The following ZNF479 variants were observed in gnomAD, a reference collection of about 807,000 sequenced individuals.
ZNF479 encodes the protein zinc finger protein 479, also known as KRAB zinc finger protein KR19.
ZNF479 carries 15 observed loss-of-function variants against 14.7 expected under a neutral mutation model. That is an observed-to-expected ratio of 1.02 (90% CI 0.68 to 1.57). The LOEUF is 1.57. ZNF479 is among the 40% of genes most tolerant of loss of function. The pLI is 0.00. For synonymous variants in ZNF479, 145 were observed against 211.5 expected (o/e 0.69, Z 2.73); for missense variants, 506 against 615.1 (o/e 0.82, Z 1.88).
intron 1 of ZNF479, among the ~76,000 whole-genome samples, chr7:57,131,456 G>A (rs1211294136): frequency 7.9e-5 from 12 of 151,654 alleles, no homozygotes; most frequent in South Asian, 4.2e-4. Flanking sequence ...CCAGCCACTC[G>A]GGAGGCTAAG....
In ZNF479 at chr7:57,121,000, T is replaced by C; in HGVS notation, c.415A>G (p.Lys139Glu). 1 of 1,614,142 alleles carries C rather than the reference T, an allele frequency of 6.2e-7. No individual in the cohort carries two copies. The highest frequency in any genetic ancestry group is 8.5e-7 in the Non-Finnish European group (1 of 1,180,024). The change falls in exon 4 of 4, where the codon AAG (lysine) becomes GAG (glutamate). Residue 139 changes from lysine (K) to glutamate (E), a missense_variant. Physicochemically the swap from Lys to Glu is moderately conservative, Grantham distance 56. Around this residue, in one of 3 missense-constraint regions of ZNF479, gnomAD observed 420 missense variants for 474.2 expected, o/e 0.89. Transcript: ENST00000319636. ...CKSVGEYEVH[K>E]GGYSEVNQCL... ...TGGTTAACTTCACTATAACCTCCCT[T>C]GTGCACCTCATATTCACCCACACTT...
chr7:57,128,118 T>A (rs1038314827), intron 1 of ZNF479, among the ~76,000 whole-genome samples: 9 of 151,832 alleles, frequency 5.9e-5, no homozygotes, highest in African/African-American at 2.2e-4. Context: ...TATTTTTTTT[T>A]AGTAGAGATG....
intron 1 of ZNF479, among the ~76,000 whole-genome samples, chr7:57,139,052 G>A (rs1241204645): frequency 6.6e-6 from 1 of 152,208 alleles, no homozygotes; most frequent in East Asian, 1.9e-4. Flanking sequence ...GCCTGGGCAA[G>A]CACAAATGTC....
At chr7:57,136,340 C>T (rs1366315559), upstream of ZNF479, among the ~76,000 whole-genome samples, 2 of 151,684 alleles carry the variant, frequency 1.3e-5, no homozygotes, top group East Asian at 1.9e-4. Flanking sequence ...GCTGAGTTCA[C>T]GCTACTGCAC....
At chr7:57,135,344 C>T (rs1158855667), upstream of ZNF479, among the ~76,000 whole-genome samples, 1 of 152,160 alleles carries the variant, frequency 6.6e-6, no homozygotes, top group Non-Finnish European at 1.5e-5. Context: ...TCAGTAAAGT[C>T]CCTCTCGGCT....
At chr7:57,121,424 C>T (rs773725856) in intron 3 of ZNF479, among the ~76,000 whole-genome samples, 2 of 152,140 alleles carry the variant, frequency 1.3e-5, no homozygotes, top group Non-Finnish European at 2.9e-5. Context: ...GCTACATTTA[C>T]CCAACACAGC....
At chr7:57,127,213 G>A (rs540629493) in intron 1 of ZNF479, among the ~76,000 whole-genome samples, 13 of 151,726 alleles carry the variant, frequency 8.6e-5, no homozygotes, top group African/African-American at 2.9e-4. Context: ...AGTAGAGATG[G>A]GGTTTCTCCA....
upstream of ZNF479, among the ~76,000 whole-genome samples, chr7:57,137,310 A>AT (rs1403463573): frequency 1.3e-5 from 2 of 151,962 alleles, no homozygotes; most frequent in African/African-American, 2.4e-5. Flanking sequence ...TGCTATTTGT[A>AT]TTTTTTGTAT....
chr7:57,122,004 C>T (rs1382333978), intron 3 of ZNF479, among the ~76,000 whole-genome samples: 1 of 151,822 alleles, frequency 6.6e-6, no homozygotes, highest in Non-Finnish European at 1.5e-5. Flanking sequence ...AAAAGAATAA[C>T]TGAAAAAATT....
Position 57,126,645 on chromosome 7 carries a change from C to T in ZNF479, c.113G>A (p.Arg38Gln), listed in dbSNP as rs764951050. ...EEWQCLDCAQ[R>Q]NLYRDVMLEN... ...TAACATCACATCTCTATATAAATTC[C>T]GCTGAGCACAATCCAGGCATTGCCA... Residue 38 changes from arginine (R) to glutamine (Q), a missense_variant, in exon 2 of 4, where the codon CGG (arginine) becomes CAG (glutamine). Physicochemically the swap from Arg to Gln is conservative, Grantham distance 43. Around this residue, in one of 3 missense-constraint regions of ZNF479, gnomAD observed 420 missense variants for 474.2 expected, o/e 0.89. Coordinates refer to ENST00000319636, the MANE Select transcript of ZNF479 (RefSeq NM_001370129.2). 38 of 1,613,714 alleles carry T rather than the reference C, an allele frequency of 2.4e-5. No individual in the cohort carries two copies. The highest frequency in any genetic ancestry group is 1.6e-4 in the Middle Eastern group (1 of 6,082).
At chr7:57,130,757 T>C (rs539521441) in intron 1 of ZNF479, among the ~76,000 whole-genome samples, 1 of 152,316 alleles carries the variant, frequency 6.6e-6, no homozygotes, top group East Asian at 1.9e-4. Flanking sequence ...CAATTGGGAA[T>C]ATACCCAGTG....
rs1329922682 is a variant in ZNF479, at chr7:57,120,387, T to C, written c.1028A>G (p.His343Arg). The C allele has an allele frequency of 3.1e-6, 5 of 1,613,520 alleles. No homozygotes were observed. Among genetic ancestry groups the C allele is most frequent in the Non-Finnish European group, 4.2e-6 (5 of 1,179,816 alleles). ...AFSWSSNLTR[H>R]KRIHTREKPY... is the part of the protein sequence containing the mutation. ...TTTCTCTCTAGTATGAATTCTCTTA[T>C]GTCTAGTAAGGTTTGAGGACCAGCT... Residue 343 changes from histidine to arginine, a missense_variant, in exon 4 of 4, where the codon CAT (histidine) becomes CGT (arginine). Coordinates refer to ENST00000319636, the MANE Select transcript of ZNF479 (RefSeq NM_001370129.2).
chr7:57,132,150 C>T, intron 1 of ZNF479, 136 bp downstream of exon 1: 3 of 1,516,206 alleles, frequency 2.0e-6, no homozygotes, highest in East Asian at 2.3e-5. Context: ...GGACGAGAGC[C>T]GAGCTGGGCC....
chr7:57,120,575 G>A lies in ZNF479; in HGVS notation c.840C>T (p.Arg280=), dbSNP rs533584216. The A allele has an allele frequency of 1.1e-5, 17 of 1,610,446 alleles. No individual in the cohort carries two copies. In the South Asian group the frequency reaches 1.9e-4, roughly 18 times the overall value. Residue 280 remains arginine, a synonymous_variant, in exon 4 of 4, where the codon CGC becomes CGT. Transcript: ENST00000319636. ...TCEECGQAFR[R]SSALTNHKRI... is the part of the protein sequence containing the mutation. ...TCTTGTGGTTAGTAAGTGCTGAGGA[G>A]CGCCTAAAGGCTTGGCCACATTCTT...
At position 57,120,096 on chromosome 7, in the gene ZNF479, T is replaced by G. The variant is rs1205740854; in HGVS notation, c.1319A>C (p.Glu440Ala). Residue 440 changes from glutamate to alanine, a missense_variant, in exon 4 of 4, where the codon GAA (glutamate) becomes GCA (alanine). Transcript: ENST00000319636. The stretch of plus-strand genomic sequence containing the variant: ...TAAGCTAAAGGCTTTGCCACATTCT[T>G]CACATTTGTAGGGTCTCTCTCCAGT... The part of the protein sequence containing the change: ...IHTGERPYKC[E>A]ECGKAFSLSS... 4.3e-6 allele frequency: 7 copies of G among 1,613,668 alleles called. No homozygotes were observed. The highest frequency in any genetic ancestry group is 5.9e-6 in the Non-Finnish European group (7 of 1,179,884).
intron 3 of ZNF479, among the ~76,000 whole-genome samples, chr7:57,123,471 A>G (rs1315824380): frequency 6.6e-6 from 1 of 152,230 alleles, no homozygotes; most frequent in Non-Finnish European, 1.5e-5. Flanking sequence ...TCCAGTCAAA[A>G]GCAAGTGGAT....
intron 2 of ZNF479, 43 bp from the exon 3 acceptor site, chr7:57,126,156 T>G (rs768544627): frequency 6.5e-7 from 1 of 1,539,874 alleles, no homozygotes; most frequent in African/African-American, 1.4e-5. Context: ...CATGCTGAAT[T>G]CTTTAATTAC....
rs57405080 is a variant in ZNF479, at chr7:57,131,587, CAA to C, written c.39+697_39+698del. Among the ~76,000 whole-genome samples, 517 of 86,846 alleles carry C rather than the reference CAA, an allele frequency of 6.0e-3. 21 individuals are homozygous for C. Among genetic ancestry groups the C allele is most frequent in the African/African-American group, 0.017 (490 of 29,220 alleles). 57.0% of individuals were successfully genotyped at this position (86,846 alleles called of 152,430 possible). ...CAAAAATAAAAAACAAACAAACAAACAAAAAAAAAACATTTCTTGTAAATTAC... is the reference window on the plus strand; with the variant it reads ...CAAAAATAAAAAACAAACAAACAAACAAAAAAAACATTTCTTGTAAATTAC... On this transcript the variant is annotated intron_variant, in intron 1 of 3. Transcript: ENST00000319636.
chr7:57,121,927 A>T (rs1785971810), intron 3 of ZNF479, among the ~76,000 whole-genome samples: 2 of 152,080 alleles, frequency 1.3e-5, no homozygotes, highest in Admixed American at 6.5e-5. Context: ...CAGACACCCA[A>T]ATAAAATAAG....
Sources: gnomAD v4.1 joint callset for allele counts (sites outside exome capture counted in the v4.1 genomes callset) on GRCh38, gnomAD v4.1.1 for gene constraint, gnomAD v4.1.1 regional missense constraint, MANE v1.5 for transcripts, NCBI Gene and HGNC (gene_info 2026-07-23, HGNC 2026-07-21) for gene names.